KANK1: variants seen among roughly 807,000 people sequenced by gnomAD.
The protein encoded by KANK1 is KN motif and ankyrin repeat domains 1, also known as KN motif and ankyrin repeat domain-containing protein 1.
Under a neutral mutation model 106.2 loss-of-function variants are expected in KANK1, and 109 were observed. The observed-to-expected ratio is 1.03, with a 90% CI of 0.88 to 1.20. The LOEUF (loss-of-function observed/expected upper bound fraction) is 1.20, where lower values mean the gene tolerates loss of function less well. KANK1 is among the 50% of genes most tolerant of loss of function. KANK1 has a pLI of 0.00. For missense variants in KANK1, 2,399 were observed against 1,710.7 expected (o/e 1.40, Z -7.10); for synonymous variants, 873 against 652.2 (o/e 1.34, Z -5.16).
chr9:541,444 G>A (rs1302069987), intron 1 of KANK1, among the ~76,000 whole-genome samples: 1 of 152,122 alleles, frequency 6.6e-6, no homozygotes, highest in Admixed American at 6.5e-5. Context: ...AAGATTGGGG[G>A]CATGGCTCAG....
chr9:698,839 C>T (rs1406928917), intron 2 of KANK1, among the ~76,000 whole-genome samples: 1 of 152,186 alleles, frequency 6.6e-6, no homozygotes, highest in Non-Finnish European at 1.5e-5. Flanking sequence ...GAATTTTAAT[C>T]TCCAGCATCT....
intron 1 of KANK1, among the ~76,000 whole-genome samples, chr9:578,691 T>A (rs185294785): frequency 3.0e-4 from 45 of 152,268 alleles, no homozygotes; most frequent in African/African-American, 9.4e-4. Context: ...GAAAATAAAA[T>A]AACCATTACT....
intron 1 of KANK1, among the ~76,000 whole-genome samples, chr9:593,626 C>G (rs984652014): frequency 2.6e-5 from 4 of 151,594 alleles, no homozygotes; most frequent in African/African-American, 9.8e-5. Flanking sequence ...AACACGAAGA[C>G]CTGATTTGTT....
intron 1 of KANK1, among the ~76,000 whole-genome samples, chr9:539,818 T>A (rs2060493352): frequency 6.6e-6 from 1 of 152,142 alleles, no homozygotes; most frequent in Non-Finnish European, 1.5e-5. Context: ...GTAAATGAAA[T>A]CATTTTCTTT....
At chr9:554,420 C>A (rs2061459256) in intron 1 of KANK1, among the ~76,000 whole-genome samples, 1 of 152,210 alleles carries the variant, frequency 6.6e-6, no homozygotes, top group South Asian at 2.1e-4. Flanking sequence ...CCCATCCACA[C>A]TGATGAGCAT....
At chr9:489,706 A>AAG (rs1362064705) in intron 3 of KANK1, among the ~76,000 whole-genome samples, 123 of 152,356 alleles carry the variant, frequency 8.1e-4, no homozygotes, top group African/African-American at 2.9e-3. Flanking sequence ...CCCAGCACTT[A>AAG]GCAGGCATTT....
chr9:602,392 T>C (rs2135892011), intron 1 of KANK1, among the ~76,000 whole-genome samples: 1 of 151,904 alleles, frequency 6.6e-6, no homozygotes, highest in African/African-American at 2.4e-5. Context: ...CCCAAGTAGC[T>C]GGGACTACAG....
At chr9:599,926 G>T (rs1255415984) in intron 1 of KANK1, among the ~76,000 whole-genome samples, 1 of 151,678 alleles carries the variant, frequency 6.6e-6, no homozygotes, top group African/African-American at 2.4e-5. Flanking sequence ...GTGTTTTATA[G>T]TATAAATAAT....
intron 3 of KANK1, among the ~76,000 whole-genome samples, chr9:491,523 C>G (rs927344015): frequency 1.3e-5 from 2 of 151,828 alleles, no homozygotes; most frequent in African/African-American, 4.8e-5. Flanking sequence ...CTCCTCGGCC[C>G]CCCAAAGTGC....
intron 1 of KANK1, among the ~76,000 whole-genome samples, chr9:632,438 TAAG>T (rs1390096227): frequency 1.3e-5 from 2 of 152,200 alleles, no homozygotes; most frequent in Non-Finnish European, 2.9e-5. Flanking sequence ...AAAAACTGGT[TAAG>T]AAGATAATTA....
chr9:475,812 T>G (rs919767210), intron 3 of KANK1, among the ~76,000 whole-genome samples: 1 of 152,152 alleles, frequency 6.6e-6, no homozygotes, highest in South Asian at 2.1e-4. Flanking sequence ...GGCGCTCCCA[T>G]CTGAAGAGAT....
intron 1 of KANK1, among the ~76,000 whole-genome samples, chr9:517,620 C>G (rs558977924): frequency 1.3e-5 from 2 of 151,528 alleles, no homozygotes; most frequent in African/African-American, 2.4e-5. Flanking sequence ...AGGTAAGCAT[C>G]TCTTCCTGAG....
At chr9:573,416 C>T (rs970050605) in intron 1 of KANK1, among the ~76,000 whole-genome samples, 2 of 152,062 alleles carry the variant, frequency 1.3e-5, no homozygotes, top group South Asian at 2.1e-4. Context: ...ACTACAGGTG[C>T]CCGCCACCAC....
chr9:480,485 A>C (rs1287157868), intron 3 of KANK1, among the ~76,000 whole-genome samples: 1 of 152,250 alleles, frequency 6.6e-6, no homozygotes, highest in Non-Finnish European at 1.5e-5. Flanking sequence ...CCTAAATAAC[A>C]GATGAGAAAG....
chr9:616,064 C>T lies in KANK1; in HGVS notation c.-83-60826C>T, dbSNP rs529881093. Among the ~76,000 whole-genome samples the T allele has an allele frequency of 4.6e-5, 7 of 152,236 alleles. No individual in the cohort carries two copies. In the South Asian group the frequency reaches 1.2e-3, roughly 27 times the overall value. On this transcript the variant is annotated intron_variant, in intron 1 of 11. Transcript: ENST00000382297. ...TTCTGTATCCGTCCTACCAGTGTCA[C>T]CTCCCCACCCAGCATCAGCCGAGCA...
At chr9:502,826 G>A (rs2058582343), upstream of KANK1, among the ~76,000 whole-genome samples, 1 of 151,684 alleles carries the variant, frequency 6.6e-6, no homozygotes, top group Non-Finnish European at 1.5e-5. Context: ...GCACCCGGTC[G>A]AGGGCACTAT....
intron 1 of KANK1, among the ~76,000 whole-genome samples, chr9:617,244 C>T (rs567188423): frequency 1.4e-4 from 22 of 152,146 alleles, no homozygotes; most frequent in Admixed American, 5.9e-4. Flanking sequence ...GTTTCTTTAA[C>T]AATCTGTATT....
At chr9:657,924 C>T (rs1588640621) in intron 1 of KANK1, among the ~76,000 whole-genome samples, 1 of 151,862 alleles carries the variant, frequency 6.6e-6, no homozygotes, top group Non-Finnish European at 1.5e-5. Context: ...CCTAAATTGC[C>T]CAGGCTGGAA....
chr9:651,696 C>A (rs1010916421), intron 1 of KANK1, among the ~76,000 whole-genome samples: 15 of 152,132 alleles, frequency 9.9e-5, no homozygotes, highest in African/African-American at 3.6e-4. Context: ...ACATCAGGCT[C>A]CATATAATGT....
Sources: allele counts gnomAD v4.1 joint callset (sites outside exome capture counted in the v4.1 genomes callset), GRCh38; gene constraint gnomAD v4.1.1; transcripts MANE v1.5; gene names NCBI Gene and HGNC (gene_info 2026-07-23, HGNC 2026-07-21).